HYCC2: variants seen among roughly 807,000 people sequenced by gnomAD.
HYCC2 encodes hyccin PI4KA lipid kinase complex subunit 2.
the HYCC2 span, chr2:201,021,987 A>G: frequency 1.1e-5 from 10 of 894,198 alleles, no homozygotes; most frequent in Non-Finnish European, 1.6e-5. Flanking sequence ...GGAGGTCAAT[A>G]AGCAAGCTTT....
the HYCC2 span, among the ~76,000 whole-genome samples, chr2:201,053,525 G>A: frequency 7.2e-5 from 11 of 152,272 alleles, no homozygotes; most frequent in Non-Finnish European, 1.5e-4. Context: ...TTAAAATCTA[G>A]CAGCCATGTG....
chr2:200,993,758 G>T, the HYCC2 span, among the ~76,000 whole-genome samples: 1 of 151,704 alleles, frequency 6.6e-6, no homozygotes, highest in Non-Finnish European at 1.5e-5. Flanking sequence ...GAGGCAGGCG[G>T]ATCACGAGGT....
chr2:201,049,529 A>ATTTTTTT, the HYCC2 span, among the ~76,000 whole-genome samples: 1 of 147,328 alleles, frequency 6.8e-6, no homozygotes. Context: ...TTTTTTTTTA[A>ATTTTTTT]TTTTTAGTAG....
At chr2:200,995,972 C>CCT in the HYCC2 span, 1 of 151,892 alleles carries the variant, frequency 6.6e-6, no homozygotes. Context: ...AACTTCTGTG[C>CCT]CTCTAAACAT....
the HYCC2 span, among the ~76,000 whole-genome samples, chr2:201,030,992 G>T: frequency 6.6e-6 from 1 of 152,088 alleles, no homozygotes; most frequent in African/African-American, 2.4e-5. Flanking sequence ...CAACATTGTT[G>T]CAATCAACAC....
chr2:200,974,316 A>G, the HYCC2 span: 1 of 152,048 alleles, frequency 6.6e-6, no homozygotes, highest in Admixed American at 6.5e-5. Flanking sequence ...AGATCAGATT[A>G]CATAATGCCA....
At chr2:200,981,214 C>T in the HYCC2 span, 2 of 1,565,026 alleles carry the variant, frequency 1.3e-6, no homozygotes, top group Non-Finnish European at 1.7e-6. This position sits in a 1 kb window ranked among gnomAD's most constrained non-coding sequence, Gnocchi z 4.5. Context: ...TGTCTTCTTG[C>T]ACAATGAAAT....
chr2:200,997,578 T>C, the HYCC2 span: 3 of 1,304,392 alleles, frequency 2.3e-6, no homozygotes, highest in South Asian at 2.4e-5. Flanking sequence ...GGATTACAAA[T>C]AATTACTTCT....
At chr2:201,055,891 T>C in the HYCC2 span, among the ~76,000 whole-genome samples, 22 of 151,506 alleles carry the variant, frequency 1.5e-4, no homozygotes, top group Middle Eastern at 3.4e-3. Flanking sequence ...AAAGACCCTA[T>C]CTCTAAAATA....
chr2:201,069,109 T>A, the HYCC2 span, among the ~76,000 whole-genome samples: 16 of 152,234 alleles, frequency 1.1e-4, no homozygotes, highest in Non-Finnish European at 1.9e-4. Context: ...AGCATTGGTT[T>A]TTCTATAAGA....
At chr2:201,054,824 C>T in the HYCC2 span, among the ~76,000 whole-genome samples, 2 of 152,008 alleles carry the variant, frequency 1.3e-5, no homozygotes, top group African/African-American at 2.4e-5. Context: ...GAAAACATGT[C>T]GAATTTTTTT....
At chr2:201,017,890 T>G in the HYCC2 span, among the ~76,000 whole-genome samples, 2 of 152,208 alleles carry the variant, frequency 1.3e-5, no homozygotes, top group African/African-American at 4.8e-5. Flanking sequence ...ATATGAAATT[T>G]ATTAAAGCAT....
the HYCC2 span, among the ~76,000 whole-genome samples, chr2:201,066,082 T>C: frequency 5.3e-5 from 8 of 152,076 alleles, no homozygotes; most frequent in African/African-American, 9.7e-5. Flanking sequence ...TCTTTTCTTT[T>C]TTTTTTTTCT....
At chr2:201,042,914 G>C in the HYCC2 span, among the ~76,000 whole-genome samples, 1,712 of 152,020 alleles carry the variant, frequency 0.011, 17 homozygotes, top group Non-Finnish European at 0.017. Flanking sequence ...CTGCCCGGCC[G>C]CCACCCCGTC....
the HYCC2 span, among the ~76,000 whole-genome samples, chr2:200,985,235 A>T: frequency 3.1e-4 from 47 of 152,260 alleles, no homozygotes; most frequent in African/African-American, 1.1e-3. Flanking sequence ...CTGAAATGGA[A>T]TTTTTTTATT....
At chr2:201,022,432 G>A in the HYCC2 span, 1 of 247,334 alleles carries the variant, frequency 4.0e-6, no homozygotes, top group Non-Finnish European at 8.1e-6. Flanking sequence ...TGACTAGAGT[G>A]ATTATACCTA....
the HYCC2 span, among the ~76,000 whole-genome samples, chr2:201,042,796 G>A: frequency 6.7e-6 from 1 of 149,840 alleles, no homozygotes; most frequent in African/African-American, 2.5e-5. Flanking sequence ...CCTCTGCCCA[G>A]CCACCCAGTC....
chr2:201,048,082 T>A, the HYCC2 span, among the ~76,000 whole-genome samples: 2 of 152,080 alleles, frequency 1.3e-5, no homozygotes, highest in Non-Finnish European at 2.9e-5. Flanking sequence ...GAAATGTTAA[T>A]AGTGACAGTT....
the HYCC2 span, among the ~76,000 whole-genome samples, chr2:200,994,152 T>G: frequency 2.0e-5 from 3 of 152,228 alleles, no homozygotes; most frequent in Non-Finnish European, 4.4e-5. Context: ...CACACCACTA[T>G]GGTATTTACA....
Sources: allele counts gnomAD v4.1 joint callset (sites outside exome capture counted in the v4.1 genomes callset), GRCh38; gene constraint gnomAD v4.1.1; non-coding constraint Gnocchi (gnomAD v3.1); transcripts MANE v1.5; gene names NCBI Gene and HGNC (gene_info 2026-07-23, HGNC 2026-07-21).